The following RAB5B variants were observed in gnomAD, a reference collection of about 807,000 sequenced individuals.
RAB5B encodes RAB5B, member RAS oncogene family.
In RAB5B, 11 loss-of-function variants were observed where a neutral mutation model predicts 28.6. That is an observed-to-expected ratio of 0.38 (90% CI 0.24 to 0.64). The LOEUF is 0.64. RAB5B is among the 30% of genes least tolerant of loss of function. The probability of loss-of-function intolerance (pLI) is 0.53; values close to 1 mark genes in which losing one functional copy is unlikely to be tolerated. For missense variants in RAB5B, 169 were observed against 265.6 expected (o/e 0.64, Z 2.53); for synonymous variants, 93 against 97.9 (o/e 0.95, Z 0.29).
intron 1 of RAB5B, among the ~76,000 whole-genome samples, chr12:55,976,331 A>G (rs1889646381): frequency 6.6e-6 from 1 of 151,866 alleles, no homozygotes; most frequent in Non-Finnish European, 1.5e-5. Context: ...TGTTCCTTTC[A>G]CAGTTCATTT....
chr12:55,974,159 C>T lies in RAB5B; in HGVS notation c.-93+20C>T, dbSNP rs1418350538. The T allele has an allele frequency of 1.3e-5, 2 of 153,008 alleles. No individual in the cohort carries two copies. The highest frequency in any genetic ancestry group is 4.8e-5 in the African/African-American group (2 of 41,486). 9.5% of individuals were successfully genotyped at this position (153,008 alleles called of 1,614,324 possible). ...CCCCAGGTACCGAGCTGATGGAGCC[C>T]AAAGGGCAGGGGCGGAAGCGCCCGG... On this transcript the variant is annotated intron_variant, in intron 1 of 5. Transcript: ENST00000360299.
Position 55,992,703 on chromosome 12 carries a change from G to T in RAB5B, c.*491G>T. 2.7e-6 allele frequency: 1 copy of T among 372,000 alleles called. No homozygotes were observed. Among genetic ancestry groups the T allele is most frequent in the South Asian group, 2.1e-5 (1 of 47,908 alleles). The allele number at this position is 372,000 out of a possible 1,614,324, so 23.0% of individuals were successfully genotyped here. A position where few individuals can be genotyped will look rare whatever the true frequency, so the allele number is the denominator to read the frequency against. Reference sequence around the variant, plus strand: ...CAGTTCATTTACATTAAGGGCCCTGGGGGAGAATAAAGCTCAGAGCAGGAG... The same window carrying T: ...CAGTTCATTTACATTAAGGGCCCTGTGGGAGAATAAAGCTCAGAGCAGGAG... On this transcript the variant is annotated 3_prime_UTR_variant, in exon 6 of 6. Coordinates refer to ENST00000360299, the MANE Select transcript of RAB5B (RefSeq NM_002868.4).
intron 1 of RAB5B, chr12:55,979,496 A>G (rs1565785833): frequency 6.6e-6 from 1 of 152,174 alleles, no homozygotes; most frequent in African/African-American, 2.4e-5. Context: ...TTTCTGCTCT[A>G]TCTTCCCTAC....
At position 55,994,523 on chromosome 12, in the gene RAB5B, C is replaced by T. The variant is rs187146028; in HGVS notation, c.*2311C>T. 1.5e-3 allele frequency: 223 copies of T among 152,110 alleles called. 2 individuals carry two copies. Among genetic ancestry groups the T allele is most frequent in the Non-Finnish European group, 1.6e-3 (108 of 67,946 alleles). The allele number at this position is 152,110 out of a possible 1,614,324, so 9.4% of individuals were successfully genotyped here. ...GATCTTAGTTTTCTTTTGTTTATTT[C>T]CCAGCTCATTTTTTTCTTCTGGTCA... is the stretch of plus-strand genomic sequence containing the variant. On this transcript the variant is annotated 3_prime_UTR_variant, in exon 6 of 6. Coordinates refer to ENST00000360299, the MANE Select transcript of RAB5B (RefSeq NM_002868.4).
At chr12:55,983,485 A>T (rs1185861390) in intron 1 of RAB5B, among the ~76,000 whole-genome samples, 1 of 152,184 alleles carries the variant, frequency 6.6e-6, no homozygotes, top group East Asian at 1.9e-4. Context: ...ATAAAATGGT[A>T]CATGTATATC....
chr12:55,974,293 T>C (rs1253394192), intron 1 of RAB5B, among the ~76,000 whole-genome samples, 154 bp downstream of exon 1: 1 of 151,762 alleles, frequency 6.6e-6, no homozygotes. Context: ...GCAGGCCTAA[T>C]GGGGGTCGCT....
chr12:55,980,504 C>CTCCG lies in RAB5B; in HGVS notation c.-92-6364_-92-6361dup, dbSNP rs1315920350. 5 of 1,588,104 alleles carry CTCCG rather than the reference C, an allele frequency of 3.1e-6. No individual in the cohort carries two copies. In the South Asian group the frequency reaches 3.3e-5, roughly 11 times the overall value. On this transcript the variant is annotated intron_variant, in intron 1 of 5. Coordinates refer to ENST00000360299, the MANE Select transcript of RAB5B (RefSeq NM_002868.4). ...GGGAGGCTTGTTGCCGTTTCCTGAT[C>CTCCG]TCCGGCCTCCTGACTTGAGCAAGAT...
rs961192363 is a variant in RAB5B, at chr12:55,986,452, GAAGAA to G, written c.-92-413_-92-409del. The stretch of plus-strand genomic sequence containing the variant: ...ACAAGAGTGACGTCTCAAAAAAAAA[GAAGAA>G]AAGGAAAAGAAGAGCACAGCACCAG... On this transcript the variant is annotated intron_variant, in intron 1 of 5. Coordinates refer to ENST00000360299, the MANE Select transcript of RAB5B (RefSeq NM_002868.4). Among the ~76,000 whole-genome samples, 5 of 151,946 alleles carry G rather than the reference GAAGAA, an allele frequency of 3.3e-5. No homozygotes were observed. The South Asian group carries it at 6.2e-4, about 19-fold the overall frequency.
rs558156795 is a variant in RAB5B, at chr12:55,988,907, A to G, written c.164-1040A>G. On this transcript the variant is annotated intron_variant, in intron 2 of 5. Coordinates refer to ENST00000360299, the MANE Select transcript of RAB5B (RefSeq NM_002868.4). Reference sequence around the variant, plus strand: ...AATATTGATAATGATGGGACTTGCCATCAAGCTTTAAAATCTTCTAATTAA... The same window carrying G: ...AATATTGATAATGATGGGACTTGCCGTCAAGCTTTAAAATCTTCTAATTAA... Among the ~76,000 whole-genome samples, 63 of 149,212 alleles carry G rather than the reference A, an allele frequency of 4.2e-4. 1 individual carries two copies. The South Asian group carries it at 0.013, about 32-fold the overall frequency.
chr12:55,975,416 T>C (rs1889617691), intron 1 of RAB5B, among the ~76,000 whole-genome samples: 1 of 152,146 alleles, frequency 6.6e-6, no homozygotes, highest in Non-Finnish European at 1.5e-5. Context: ...TGTTAGAAAG[T>C]TGGGTCAAAC....
At chr12:55,980,958 T>C in intron 1 of RAB5B, 1 of 1,614,018 alleles carries the variant, frequency 6.2e-7, no homozygotes, top group Non-Finnish European at 8.5e-7. Flanking sequence ...GCAAAGCGAA[T>C]GATCAGACAA....
At chr12:55,988,750 G>A (rs1890025521) in intron 2 of RAB5B, among the ~76,000 whole-genome samples, 1 of 151,738 alleles carries the variant, frequency 6.6e-6, no homozygotes, top group Admixed American at 6.6e-5. Context: ...TGATCCACCC[G>A]CCTCGGCCTC....
In RAB5B at chr12:55,995,461, T is replaced by C. The variant is rs893666159; in HGVS notation, c.*3249T>C. The C allele has an allele frequency of 2.6e-5, 4 of 152,224 alleles. No individual in the cohort carries two copies. The highest frequency in any genetic ancestry group is 5.9e-5 in the Non-Finnish European group (4 of 68,054). The allele number at this position is 152,224 out of a possible 1,614,324, so 9.4% of individuals were successfully genotyped here. Reference sequence around the variant, plus strand: ...TCCATGACCCAAAGGTTGAAAAACATCACTGAGTTAGTTTTCTTGTAGCTT... The same window carrying C: ...TCCATGACCCAAAGGTTGAAAAACACCACTGAGTTAGTTTTCTTGTAGCTT... On this transcript the variant is annotated 3_prime_UTR_variant, in exon 6 of 6. Transcript: ENST00000360299.
intron 1 of RAB5B, among the ~76,000 whole-genome samples, chr12:55,983,947 G>A (rs1022573228): frequency 2.0e-5 from 3 of 151,806 alleles, no homozygotes; most frequent in Non-Finnish European, 4.4e-5. Context: ...GGCATGGGCC[G>A]CTCTGCCAGG....
Position 55,993,882 on chromosome 12 carries a change from A to C in RAB5B, c.*1670A>C, listed in dbSNP as rs1890210100. 6.6e-6 allele frequency: 1 copy of C among 152,268 alleles called. No homozygotes were observed. Among genetic ancestry groups the C allele is most frequent in the African/African-American group, 2.4e-5 (1 of 41,410 alleles). The allele number at this position is 152,268 out of a possible 1,614,324, so 9.4% of individuals were successfully genotyped here. The stretch of plus-strand genomic sequence containing the variant: ...GGACCTTGGTCCTTTCTAAATCTCT[A>C]GTCTCTCTTCATATCCTTCATCAGG... On this transcript the variant is annotated 3_prime_UTR_variant, in exon 6 of 6. Coordinates refer to ENST00000360299, the MANE Select transcript of RAB5B (RefSeq NM_002868.4).
chr12:55,996,003 A>ATATATATTTTTTTTTTT lies in RAB5B; in HGVS notation c.*3792_*3793insATATATTTTTTTTTTTT. On this transcript the variant is annotated 3_prime_UTR_variant, in exon 6 of 6. Transcript: ENST00000360299. ...TATATACATATATATATATATATAT[A>ATATATATTTTTTTTTTT]TTTTTTTTTTAACAACTGGTAGGAT... 1.0e-5 allele frequency: 1 copy of ATATATATTTTTTTTTTT among 97,410 alleles called. No individual in the cohort carries two copies. The highest frequency in any genetic ancestry group is 4.7e-5 in the African/African-American group (1 of 21,152). The allele number at this position is 97,410 out of a possible 1,614,324, so 6.0% of individuals were successfully genotyped here. A position where few individuals can be genotyped will look rare whatever the true frequency, so the allele number is the denominator to read the frequency against.
intron 2 of RAB5B, 91 bp from the exon 3 acceptor site, chr12:55,989,856 G>A: frequency 6.9e-7 from 1 of 1,440,346 alleles, no homozygotes; most frequent in South Asian, 1.1e-5. Context: ...ACTGGTCTTA[G>A]TGTAGGGCAG....
rs1434136494 is a variant in RAB5B at position 55,991,453 on chromosome 12, G to A, written c.532G>A (p.Ala178Thr). The A allele has an allele frequency of 6.2e-7, 1 of 1,611,406 alleles. No individual in the cohort carries two copies. Among genetic ancestry groups the A allele is most frequent in the East Asian group, 2.2e-5 (1 of 44,870 alleles). Residue 178 changes from alanine (A) to threonine (T), a missense_variant and splice_region_variant, in exon 5 of 6, where the codon GCT (alanine) becomes ACT (threonine). Coordinates refer to ENST00000360299, the MANE Select transcript of RAB5B (RefSeq NM_002868.4). Reference protein sequence around the residue: ...MNVNDLFLAIAKKLPKSEPQN... With the variant: ...MNVNDLFLAITKKLPKSEPQN... ...CGTGAATGATCTCTTCCTGGCAATA[G>A]GTAAGGTCAGAACATCCTGAGGTCC...
rs568518153 is a variant in RAB5B at position 55,983,041 on chromosome 12, C to CT, written c.-92-3818dup. On this transcript the variant is annotated intron_variant, in intron 1 of 5. Transcript: ENST00000360299. ...AAACTTGATCAGCTTATCATCTGTC[C>CT]TTTTTTTTTTATTATGGTGTCACCT... 9.7e-3 allele frequency among the ~76,000 whole-genome samples: 1,438 copies of CT among 148,438 alleles called. 15 individuals are homozygous for CT. The highest frequency in any genetic ancestry group is 0.033 in the African/African-American group (1,353 of 40,540).
Sources: allele counts gnomAD v4.1 joint callset (sites outside exome capture counted in the v4.1 genomes callset), GRCh38; gene constraint gnomAD v4.1.1; transcripts MANE v1.5; gene names NCBI Gene and HGNC (gene_info 2026-07-23, HGNC 2026-07-21).